The following DNAH3 variants were observed in gnomAD, a reference collection of about 807,000 sequenced individuals.
DNAH3 encodes the protein axonemal beta dynein heavy chain 3.
In DNAH3, 332 loss-of-function variants were observed where a neutral mutation model predicts 432.5. That is an observed-to-expected ratio of 0.77 (90% CI 0.70 to 0.84). DNAH3 has a LOEUF of 0.84. Among genes scored for constraint, DNAH3 ranks in the 40% least tolerant of loss-of-function variants. The pLI, the probability that DNAH3 is intolerant of heterozygous loss-of-function variation, is 0.00. For missense variants in DNAH3, 4,861 were observed against 5,114.0 expected, an observed-to-expected ratio of 0.95 and a Z score of 1.51; for synonymous variants, 1,956 against 1,900.2, an observed-to-expected ratio of 1.03 and a Z score of -0.76.
At chr16:21,032,653 A>G (rs2088946484) in intron 36 of DNAH3, among the ~76,000 whole-genome samples, 1 of 152,022 alleles carries the variant, frequency 6.6e-6, no homozygotes, top group African/African-American at 2.4e-5. Context: ...TCTCTACAAA[A>G]AATACAAAAA....
chr16:20,996,535 C>A (rs1336981409), intron 44 of DNAH3, among the ~76,000 whole-genome samples: 5 of 152,164 alleles, frequency 3.3e-5, no homozygotes, highest in Non-Finnish European at 7.4e-5. Context: ...TCTCGGCTCA[C>A]TGCAACCTCT....
At chr16:21,038,044 C>T in intron 33 of DNAH3, 64 bp from the exon 34 acceptor site, 1 of 1,453,498 alleles carries the variant, frequency 6.9e-7, no homozygotes, top group Non-Finnish European at 9.5e-7. Flanking sequence ...AGCAGACATT[C>T]CCAATATCCT....
intron 54 of DNAH3, among the ~76,000 whole-genome samples, chr16:20,957,060 A>ACT (rs1166431369): frequency 6.6e-6 from 1 of 151,734 alleles, no homozygotes; most frequent in Non-Finnish European, 1.5e-5. Context: ...CTTCTCTTAA[A>ACT]CTCTCTCTCT....
intron 11 of DNAH3, among the ~76,000 whole-genome samples, chr16:21,117,785 C>T (rs527363639): frequency 6.6e-6 from 1 of 152,274 alleles, no homozygotes; most frequent in South Asian, 2.1e-4. Flanking sequence ...GTTATATCCC[C>T]AGGGCCTAGC....
At chr16:20,966,067 C>A (rs1166987375) in intron 52 of DNAH3, among the ~76,000 whole-genome samples, 1 of 83,900 alleles carries the variant, frequency 1.2e-5, no homozygotes, top group Non-Finnish European at 2.1e-5. Flanking sequence ...GATGGAGTCT[C>A]ACTTTTGCTG....
intron 11 of DNAH3, among the ~76,000 whole-genome samples, chr16:21,118,075 C>T (rs1374302071): frequency 2.6e-5 from 4 of 151,962 alleles, no homozygotes; most frequent in African/African-American, 9.7e-5. Context: ...GCTACCTCTG[C>T]CTCCTGGGCT....
chr16:21,068,183 G>A (rs1291714724), intron 23 of DNAH3, among the ~76,000 whole-genome samples: 1 of 152,142 alleles, frequency 6.6e-6, no homozygotes, highest in Non-Finnish European at 1.5e-5. Context: ...ATCCCTCTAG[G>A]TGCCTTGCAC....
Position 21,140,712 on chromosome 16 carries a change from T to C in DNAH3, c.522-2A>G. On this transcript the variant is annotated splice_acceptor_variant, in intron 4 of 61. Transcript: ENST00000261383. LOFTEE classifies it high-confidence loss of function. ...GACGTCTTGAAGGCCAACTTGATCC[T>C]GAAAAGTAGACACAGCTCAGCCCTT... is the stretch of plus-strand genomic sequence containing the variant. 1 of 1,613,854 alleles carries C rather than the reference T, an allele frequency of 6.2e-7. No individual in the cohort carries two copies.
chr16:21,094,817 G>A (rs570217586), intron 18 of DNAH3, among the ~76,000 whole-genome samples: 38 of 152,182 alleles, frequency 2.5e-4, no homozygotes, highest in South Asian at 2.5e-3. Context: ...TCATGGGGTC[G>A]AGTTTTCCCA....
At chr16:21,055,419 A>G (rs960060578) in intron 27 of DNAH3, among the ~76,000 whole-genome samples, 2 of 152,200 alleles carry the variant, frequency 1.3e-5, no homozygotes, top group African/African-American at 4.8e-5. Flanking sequence ...TATAGAGTAG[A>G]GAATAAAATC....
Position 21,020,966 on chromosome 16 carries a change from T to G in DNAH3, c.5776+1005A>C, listed in dbSNP as rs376575626. Among the ~76,000 whole-genome samples the G allele has an allele frequency of 9.8e-5, 15 of 152,304 alleles. No individual in the cohort carries two copies. In the South Asian group the frequency reaches 2.5e-3, roughly 25 times the overall value. On this transcript the variant is annotated intron_variant, in intron 40 of 61. Transcript: ENST00000261383. ...TATAAATTTGGCTACTCTATGTACA[T>G]TAATTGTAGAGAAGAATCGCACAGT... is the stretch of plus-strand genomic sequence containing the variant.
chr16:20,989,108 G>A (rs560118228), intron 44 of DNAH3, among the ~76,000 whole-genome samples: 96 of 152,320 alleles, frequency 6.3e-4, no homozygotes, highest in Non-Finnish European at 1.0e-3. Context: ...AGACCCGAGC[G>A]GGTTACCACT....
At chr16:21,117,860 C>T (rs1165147850) in intron 11 of DNAH3, among the ~76,000 whole-genome samples, 1 of 152,198 alleles carries the variant, frequency 6.6e-6, no homozygotes, top group Non-Finnish European at 1.5e-5. Context: ...TATCGTAGTG[C>T]TCCCCTCCTC....
exon 18 of DNAH3, chr16:21,097,359 C>T: frequency 6.2e-7 from 1 of 1,613,684 alleles, no homozygotes; most frequent in Admixed American, 1.7e-5. Context: ...ACATACCATT[C>T]ATCCATTCCT....
chr16:20,997,487 G>A (rs745409481), intron 43 of DNAH3, 25 bp from the exon 44 acceptor site: 105 of 1,610,158 alleles, frequency 6.5e-5, no homozygotes, highest in Non-Finnish European at 8.3e-5. Context: ...CACAGATACA[G>A]CCATTGCAAG....
intron 56 of DNAH3, among the ~76,000 whole-genome samples, chr16:20,951,584 C>T (rs1302423377): frequency 2.0e-5 from 3 of 151,772 alleles, no homozygotes; most frequent in Non-Finnish European, 4.4e-5. Flanking sequence ...GCTAGGACTA[C>T]AGGCATGTGT....
At chr16:21,104,380 C>CT in intron 16 of DNAH3, 91 bp downstream of exon 16, 1 of 1,127,286 alleles carries the variant, frequency 8.9e-7, no homozygotes, top group Non-Finnish European at 1.3e-6. Flanking sequence ...ATGGAGTGAG[C>CT]TGGGGGATGG....
At chr16:20,948,569 T>C (rs2152573702) in exon 57 of DNAH3, 5 of 1,614,068 alleles carry the variant, frequency 3.1e-6, no homozygotes, top group East Asian at 2.2e-5. Flanking sequence ...CAGTAGAACA[T>C]GGACAGAAGT....
intron 41 of DNAH3, among the ~76,000 whole-genome samples, chr16:21,011,916 T>C (rs1044647145): frequency 6.6e-6 from 1 of 152,212 alleles, no homozygotes; most frequent in Non-Finnish European, 1.5e-5. Context: ...TATTTTTACA[T>C]GTATTAACTC....
Sources: allele counts gnomAD v4.1 joint callset (sites outside exome capture counted in the v4.1 genomes callset), GRCh38; gene constraint gnomAD v4.1.1; transcripts MANE v1.5; gene names NCBI Gene and HGNC (gene_info 2026-07-23, HGNC 2026-07-21).